TLR9: variants seen among roughly 807,000 people sequenced by gnomAD.
TLR9 encodes the protein toll-like receptor 9.
Under a neutral mutation model 24.6 loss-of-function variants are expected in TLR9, and 19 were observed. That is an observed-to-expected ratio of 0.77 (90% CI 0.54 to 1.13). TLR9 has a LOEUF of 1.13. Among genes scored for constraint, TLR9 ranks in the 50% most tolerant of loss-of-function variants. The probability of loss-of-function intolerance (pLI) is 0.00; values close to 1 mark genes in which losing one functional copy is unlikely to be tolerated. For synonymous variants in TLR9, 579 were observed against 609.8 expected, an observed-to-expected ratio of 0.95 and a Z score of 0.74; for missense variants, 1,065 against 1,379.6, an observed-to-expected ratio of 0.77 and a Z score of 3.61.
chr3:52,222,174 G>C lies in TLR9; in HGVS notation c.2142C>G (p.Ser714Arg). 6.2e-7 allele frequency: 1 copy of C among 1,614,036 alleles called. No homozygotes were observed. The highest frequency in any genetic ancestry group is 8.5e-7 in the Non-Finnish European group (1 of 1,179,990). The change falls in exon 2 of 2, where the codon AGC (serine) becomes AGG (arginine). Residue 714 changes from serine (S) to arginine (R), a missense_variant. Physicochemically the swap from Ser to Arg is moderately radical, Grantham distance 110 (BLOSUM62 -1). Transcript: ENST00000360658. ...TGGAAAAGAAGCCGGGGGCCACGAAGCTGATGCTGTTGCAGCTGACATCCA... is the reference window on the plus strand; with the variant it reads ...TGGAAAAGAAGCCGGGGGCCACGAACCTGATGCTGTTGCAGCTGACATCCA... ...RRLDVSCNSI[S>R]FVAPGFFSKA... is the part of the protein sequence containing the mutation.
rs1377569265 is a variant in TLR9 at position 52,222,516 on chromosome 3, C to A, written c.1800G>T (p.Leu600=). The A allele has an allele frequency of 3.7e-6, 6 of 1,614,116 alleles. No homozygotes were observed. In the African/African-American group the frequency reaches 6.7e-5, roughly 18 times the overall value. Residue 600 remains leucine, a synonymous_variant, in exon 2 of 2, where the codon CTG becomes CTT. Coordinates refer to ENST00000360658, the MANE Select transcript of TLR9 (RefSeq NM_017442.4). The stretch of plus-strand genomic sequence containing the variant: ...CATTGCCGCTGAAGTCCAGGGCCCG[C>A]AGCGACGTACTGCAGAGCTGCTGGG... The part of the protein sequence containing the change: ...QVSQQLCSTS[L]RALDFSGNAL...
intron 1 of TLR9, 120 bp downstream of exon 1, chr3:52,225,407 G>T: frequency 1.6e-6 from 2 of 1,236,314 alleles, no homozygotes; most frequent in Non-Finnish European, 2.3e-6. Context: ...TTCAGTGAGT[G>T]TCCCCAGGGC....
rs201161379 is a variant in TLR9, at chr3:52,224,016, C to T, written c.300G>A (p.Pro100=). ...RHLNLKWNCP[P]VGLSPMHFPC... is the part of the protein sequence containing the mutation. ...GGAAGTGCATGGGGCTGAGGCCAAC[C>T]GGCGGGCAGTTCCACTTGAGGTTGA... is the stretch of plus-strand genomic sequence containing the variant. Residue 100 remains proline (P), a synonymous_variant, in exon 2 of 2, where the codon CCG becomes CCA. Transcript: ENST00000360658. The T allele has an allele frequency of 2.3e-5, 36 of 1,590,698 alleles. No individual in the cohort carries two copies. The highest frequency in any genetic ancestry group is 2.0e-4 in the South Asian group (18 of 88,476).
rs756459653 is a variant in TLR9, at chr3:52,224,205, G to A, written c.111C>T (p.Leu37=). ...TGCAGTTCACCAGGCCGTGGGGCTG[G>A]AGCTCACAGGGTAGGAAGGCAGGCA... ...GTLPAFLPCE[L]QPHGLVNCNW... Residue 37 remains leucine (L), a synonymous_variant, in exon 2 of 2, where the codon CTC becomes CTT. Transcript: ENST00000360658. 1.2e-6 allele frequency: 2 copies of A among 1,612,130 alleles called. No individual in the cohort carries two copies. The highest frequency in any genetic ancestry group is 3.3e-5 in the Admixed American group (2 of 59,786).
At position 52,222,592 on chromosome 3, in the gene TLR9, C is replaced by G. The variant is rs192701551; in HGVS notation, c.1724G>C (p.Arg575Pro). The change falls in exon 2 of 2, where the codon CGC (arginine) becomes CCC (proline). Residue 575 changes from arginine to proline, a missense_variant. Coordinates refer to ENST00000360658, the MANE Select transcript of TLR9 (RefSeq NM_017442.4). ...GHNFSFVAHL[R>P]TLRHLSLAHN... is the part of the protein sequence containing the mutation. ...GGCCAGGCTGAGGTGGCGCAGGGTGCGCAGGTGAGCCACGAAGCTGAAGTT... is the reference window on the plus strand; with the variant it reads ...GGCCAGGCTGAGGTGGCGCAGGGTGGGCAGGTGAGCCACGAAGCTGAAGTT... 1 of 1,614,062 alleles carries G rather than the reference C, an allele frequency of 6.2e-7. No individual in the cohort carries two copies. The highest frequency in any genetic ancestry group is 8.5e-7 in the Non-Finnish European group (1 of 1,180,016).
In TLR9 at chr3:52,222,605, C is replaced by T. The variant is rs115440379; in HGVS notation, c.1711G>A (p.Val571Met). 338 of 1,614,118 alleles carry T rather than the reference C, an allele frequency of 2.1e-4. No individual in the cohort carries two copies. The African/African-American group carries it at 4.0e-3, about 19-fold the overall frequency. Reference sequence around the variant, plus strand: ...TGGCGCAGGGTGCGCAGGTGAGCCACGAAGCTGAAGTTGTGGCCCACGCCC... The same window carrying T: ...TGGCGCAGGGTGCGCAGGTGAGCCATGAAGCTGAAGTTGTGGCCCACGCCC... ...MQGVGHNFSF[V>M]AHLRTLRHLS... Residue 571 changes from valine (V) to methionine (M), a missense_variant, in exon 2 of 2, where the codon GTG (valine) becomes ATG (methionine). By Grantham distance (21) the Val-to-Met change is conservative (BLOSUM62 1). Coordinates refer to ENST00000360658, the MANE Select transcript of TLR9 (RefSeq NM_017442.4).
In TLR9 at chr3:52,221,265, G is replaced by A. The variant is rs1699547771; in HGVS notation, c.3051C>T (p.Asn1017=). 6 of 1,516,818 alleles carry A rather than the reference G, an allele frequency of 4.0e-6. No individual in the cohort carries two copies. The highest frequency in any genetic ancestry group is 5.3e-6 in the Non-Finnish European group (6 of 1,133,234). 94.0% of individuals were successfully genotyped at this position (1,516,818 alleles called of 1,614,324 possible). Residue 1017 remains asparagine (N), a synonymous_variant, in exon 2 of 2, where the codon AAC becomes AAT. Transcript: ENST00000360658. The surrounding 1 kb of genome is among the most constrained non-coding windows in gnomAD (Gnocchi z 9.9). ...AGAAGTTCCGGTTATAGAAGTGGTG[G>A]TTGTCCCTGGTCAGGGCCATGCCCA... ...AQLGMALTRD[N]HHFYNRNFCQ... is the part of the protein sequence containing the mutation.
rs1216503468 is a variant in TLR9, at chr3:52,223,566, A to G, written c.750T>C (p.Asp250=). Residue 250 remains aspartate, a synonymous_variant, in exon 2 of 2, where the codon GAT becomes GAC. Transcript: ENST00000360658. ...CGCAGCGGCGGCAATTTCCGCCCAC[A>G]TCGAGCACACGCAGGGCGGTCAGAT... ...LANLTALRVL[D]VGGNCRRCDH... The G allele has an allele frequency of 3.3e-6, 5 of 1,535,464 alleles. No individual in the cohort carries two copies. In the East Asian group the frequency reaches 9.1e-5, roughly 28 times the overall value.
chr3:52,225,308 A>G (rs1033041491), intron 1 of TLR9, among the ~76,000 whole-genome samples: 9 of 150,942 alleles, frequency 6.0e-5, no homozygotes, highest in Admixed American at 4.6e-4. Flanking sequence ...AAGCCACTGC[A>G]CTCCAGCCTG....
In TLR9 at chr3:52,223,063, C is replaced by T. The variant is rs550092930; in HGVS notation, c.1253G>A (p.Arg418His). Reference sequence around the variant, plus strand: ...GCGGTTGTCCGACAGGTCCACGTAGCGCAGGCCAGGGAAGGCCCTGAAGAT... The same window carrying T: ...GCGGTTGTCCGACAGGTCCACGTAGTGCAGGCCAGGGAAGGCCCTGAAGAT... ...LGIFRAFPGL[R>H]YVDLSDNRIS... is the part of the protein sequence containing the mutation. The change falls in exon 2 of 2, where the codon CGC (arginine) becomes CAC (histidine). Residue 418 changes from arginine to histidine, a missense_variant. Coordinates refer to ENST00000360658, the MANE Select transcript of TLR9 (RefSeq NM_017442.4). 1 of 1,602,670 alleles carries T rather than the reference C, an allele frequency of 6.2e-7. No homozygotes were observed.
In TLR9 at chr3:52,221,793, C is replaced by G; in HGVS notation, c.2523G>C (p.Trp841Cys). 1 of 1,613,980 alleles carries G rather than the reference C, an allele frequency of 6.2e-7. No homozygotes were observed. The highest frequency in any genetic ancestry group is 8.5e-7 in the Non-Finnish European group (1 of 1,180,012). ...ACAGGTGGAAGCAGTACCAGAGGTC[C>G]CAGCCACAGAGGTGATGCAGCATGG... ...GVPMLHHLCG[W>C]DLWYCFHLCL... Residue 841 changes from tryptophan to cysteine, a missense_variant, in exon 2 of 2, where the codon TGG (tryptophan) becomes TGC (cysteine). Trp to Cys is a radical substitution (Grantham distance 215). Transcript: ENST00000360658. The surrounding 1 kb of genome is among the most constrained non-coding windows in gnomAD (Gnocchi z 9.9).
Position 52,223,522 on chromosome 3 carries a change from C to G in TLR9, c.794G>C (p.Cys265Ser), listed in dbSNP as rs778756316. The change falls in exon 2 of 2, where the codon TGC becomes TCC. Residue 265 changes from cysteine to serine, a missense_variant. Transcript: ENST00000360658. ...GGGGAAGTGACGAGGGCACTCCATG[C>G]AGGGGTTGGGAGCGTGGTCGCAGCG... ...CRRCDHAPNP[C>S]MECPRHFPQL... The G allele has an allele frequency of 6.5e-7, 1 of 1,547,824 alleles. No homozygotes were observed.
rs768678941 is a variant in TLR9 at position 52,222,652 on chromosome 3, T to C, written c.1664A>G (p.Asn555Ser). The C allele has an allele frequency of 1.2e-6, 2 of 1,613,462 alleles. No individual in the cohort carries two copies. Among genetic ancestry groups the C allele is most frequent in the Non-Finnish European group, 8.5e-7 (1 of 1,179,732 alleles). ...PRLEALDLSY[N>S]SQPFGMQGVG... is the part of the protein sequence containing the mutation. ...GCCCTGCATGCCAAAGGGCTGGCTG[T>C]TGTAGCTGAGGTCCAGGGCCTCCAG... Residue 555 changes from asparagine (N) to serine (S), a missense_variant, in exon 2 of 2, where the codon AAC becomes AGC. By Grantham distance (46) the Asn-to-Ser change is conservative. Coordinates refer to ENST00000360658, the MANE Select transcript of TLR9 (RefSeq NM_017442.4).
At position 52,221,788 on chromosome 3, in the gene TLR9, A is replaced by T; in HGVS notation, c.2528T>A (p.Leu843His). Reference protein sequence around the residue: ...PMLHHLCGWDLWYCFHLCLAW... With the variant: ...PMLHHLCGWDHWYCFHLCLAW... ...CAGGCACAGGTGGAAGCAGTACCAG[A>T]GGTCCCAGCCACAGAGGTGATGCAG... The change falls in exon 2 of 2, where the codon CTC becomes CAC. Residue 843 changes from leucine (L) to histidine (H), a missense_variant. Leu to His is a moderately conservative substitution (Grantham distance 99). Transcript: ENST00000360658. This position sits in a 1 kb window ranked among gnomAD's most constrained non-coding sequence, Gnocchi z 9.9. The T allele has an allele frequency of 6.2e-7, 1 of 1,613,930 alleles. No individual in the cohort carries two copies. Among genetic ancestry groups the T allele is most frequent in the Non-Finnish European group, 8.5e-7 (1 of 1,180,014 alleles).
Position 52,223,092 on chromosome 3 carries a change from G to C in TLR9, c.1224C>G (p.Leu408=), listed in dbSNP as rs756413973. Residue 408 remains leucine (L), a synonymous_variant, in exon 2 of 2, where the codon CTC becomes CTG. Transcript: ENST00000360658. ...GGCCAGGGAAGGCCCTGAAGATGCC[G>C]AGCTGGGCCTGGTTGATGAAGTTCA... is the stretch of plus-strand genomic sequence containing the variant. The part of the protein sequence containing the change: ...LQMNFINQAQ[L]GIFRAFPGLR... 6.2e-7 allele frequency: 1 copy of C among 1,612,810 alleles called. No homozygotes were observed. Among genetic ancestry groups the C allele is most frequent in the Non-Finnish European group, 8.5e-7 (1 of 1,179,412 alleles).
Position 52,221,913 on chromosome 3 carries a change from G to A in TLR9, c.2403C>T (p.Ile801=). The change falls in exon 2 of 2, where the codon ATC becomes ATT. Residue 801 remains isoleucine, a synonymous_variant. Transcript: ENST00000360658. The surrounding 1 kb of genome is among the most constrained non-coding windows in gnomAD (Gnocchi z 9.9). ...GGCAGAGGCGCAGGTCCTGTGCAAAGATGCTGAGGCCCTGGAGCTGGCCCG... is the reference window on the plus strand; with the variant it reads ...GGCAGAGGCGCAGGTCCTGTGCAAAAATGCTGAGGCCCTGGAGCTGGCCCG... ...GSPGQLQGLS[I]FAQDLRLCLD... 1 of 1,613,474 alleles carries A rather than the reference G, an allele frequency of 6.2e-7. No homozygotes were observed. The highest frequency in any genetic ancestry group is 8.5e-7 in the Non-Finnish European group (1 of 1,179,884).
Position 52,224,332 on chromosome 3 carries a change from G to A in TLR9, c.4-20C>T. 1 of 1,549,388 alleles carries A rather than the reference G, an allele frequency of 6.5e-7. No individual in the cohort carries two copies. The highest frequency in any genetic ancestry group is 8.7e-7 in the Non-Finnish European group (1 of 1,145,078). ...GAAACCCTGTGGGGGTGGGAGGGCT[G>A]TGTGAGTGGCCGGCCCCCAGCTCTA... is the stretch of plus-strand genomic sequence containing the variant. On this transcript the variant is annotated intron_variant, in intron 1 of 1. Transcript: ENST00000360658.
rs776573309 is a variant in TLR9, at chr3:52,222,333, A to G, written c.1983T>C (p.Arg661=). Residue 661 remains arginine (R), a synonymous_variant, in exon 2 of 2, where the codon CGT becomes CGC. Coordinates refer to ENST00000360658, the MANE Select transcript of TLR9 (RefSeq NM_017442.4). ...ACTTAAAGAAGGCCAGGTAATTGTC[A>G]CGGAGACGCAGCACCTGTAGGCTCT... ...LPKSLQVLRL[R]DNYLAFFKWW... is the part of the protein sequence containing the mutation. 2 of 1,614,170 alleles carry G rather than the reference A, an allele frequency of 1.2e-6. No individual in the cohort carries two copies.
At chr3:52,224,942 A>G (rs571149183) in intron 1 of TLR9, among the ~76,000 whole-genome samples, 1 of 152,360 alleles carries the variant, frequency 6.6e-6, no homozygotes, top group South Asian at 2.1e-4. Context: ...AGACAGAGCC[A>G]GCCCCAAGCT....
Sources: gnomAD v4.1 joint callset for allele counts (sites outside exome capture counted in the v4.1 genomes callset) on GRCh38, gnomAD v4.1.1 for gene constraint, Gnocchi (gnomAD v3.1) non-coding constraint, MANE v1.5 for transcripts, NCBI Gene and HGNC (gene_info 2026-07-23, HGNC 2026-07-21) for gene names.